The following STX7 variants were observed in gnomAD, a reference collection of about 807,000 sequenced individuals.
STX7 encodes the protein syntaxin 7.
Under a neutral mutation model 39.6 loss-of-function variants are expected in STX7, and 34 were observed. The observed-to-expected ratio is 0.86, with a 90% CI of 0.65 to 1.14. The LOEUF is 1.14. Among genes scored for constraint, STX7 ranks in the 50% most tolerant of loss-of-function variants. The pLI is 0.00. For synonymous variants in STX7, 119 were observed against 99.1 expected, an observed-to-expected ratio of 1.20 and a Z score of -1.19; for missense variants, 284 against 310.4, an observed-to-expected ratio of 0.92 and a Z score of 0.64.
chr6:132,474,853 A>G (rs1242767008), intron 3 of STX7, among the ~76,000 whole-genome samples: 1 of 152,180 alleles, frequency 6.6e-6, no homozygotes, highest in Non-Finnish European at 1.5e-5. Flanking sequence ...ATAATTCATT[A>G]TAACTTTTTT....
At chr6:132,488,542 T>C (rs1775197877) in intron 2 of STX7, among the ~76,000 whole-genome samples, 1 of 152,184 alleles carries the variant, frequency 6.6e-6, no homozygotes, top group African/African-American at 2.4e-5. Flanking sequence ...CCATGTATTT[T>C]AAAACTGTCT....
intron 1 of STX7, 75 bp from the exon 2 acceptor site, chr6:132,503,663 A>C: frequency 1.6e-6 from 1 of 629,102 alleles, no homozygotes; most frequent in Non-Finnish European, 2.7e-6. Flanking sequence ...CAATCTGTGA[A>C]GTTACAAGGA....
intron 2 of STX7, among the ~76,000 whole-genome samples, chr6:132,500,565 T>C (rs1450030752): frequency 6.6e-6 from 1 of 152,196 alleles, no homozygotes; most frequent in Non-Finnish European, 1.5e-5. Context: ...ACTTTCACTA[T>C]ATTTTCTTTA....
intron 5 of STX7, 49 bp downstream of exon 5, chr6:132,471,414 C>T (rs1040599793): frequency 1.3e-6 from 2 of 1,575,010 alleles, no homozygotes; most frequent in African/African-American, 2.7e-5. Context: ...TTATGGGACC[C>T]TTAGCAAGTA....
In STX7 at chr6:132,453,427, C is replaced by T. The variant is rs1490946963; in HGVS notation, c.*7331G>A. ...TTCATCAAAATTAAACACTTCTGCT[C>T]TGTGAAAGGCCCAGAAAAGAGAAAT... On this transcript the variant is annotated 3_prime_UTR_variant, in exon 10 of 10. Transcript: ENST00000367941. 2.6e-5 allele frequency: 4 copies of T among 151,902 alleles called. No individual in the cohort carries two copies. The highest frequency in any genetic ancestry group is 5.9e-5 in the Non-Finnish European group (4 of 67,896). The allele number at this position is 151,902 out of a possible 1,614,324, so 9.4% of individuals were successfully genotyped here.
chr6:132,512,719 C>A (rs879755175), intron 1 of STX7, among the ~76,000 whole-genome samples: 5 of 152,202 alleles, frequency 3.3e-5, no homozygotes, highest in Non-Finnish European at 5.9e-5. Context: ...GAGCTCTGCC[C>A]AGGGGACCGC....
intron 2 of STX7, among the ~76,000 whole-genome samples, chr6:132,502,877 C>A (rs185089922): frequency 3.2e-4 from 49 of 151,358 alleles, no homozygotes; most frequent in African/African-American, 1.2e-3. Flanking sequence ...CCAGCCTGGG[C>A]GACAGAGTGA....
At chr6:132,483,589 A>G (rs975838381) in intron 2 of STX7, among the ~76,000 whole-genome samples, 3 of 152,180 alleles carry the variant, frequency 2.0e-5, no homozygotes, top group Admixed American at 6.5e-5. Context: ...TTTAGAAACA[A>G]AACACTTTTT....
intron 2 of STX7, among the ~76,000 whole-genome samples, chr6:132,490,298 C>T (rs1469527656): frequency 6.6e-6 from 1 of 152,184 alleles, no homozygotes; most frequent in Non-Finnish European, 1.5e-5. Flanking sequence ...ACGAGTTCCC[C>T]TCTAGTTTAC....
intron 3 of STX7, among the ~76,000 whole-genome samples, chr6:132,474,057 C>T (rs1774807573): frequency 6.6e-6 from 1 of 151,450 alleles, no homozygotes; most frequent in Admixed American, 6.6e-5. Context: ...GGCAAAACAC[C>T]ATCTCTACAA....
intron 3 of STX7, among the ~76,000 whole-genome samples, chr6:132,473,824 T>C (rs190563854): frequency 4.1e-4 from 63 of 152,276 alleles, no homozygotes; most frequent in African/African-American, 1.4e-3. Context: ...GGGATCTGTA[T>C]TTGACTGACA....
intron 1 of STX7, among the ~76,000 whole-genome samples, chr6:132,505,527 A>G (rs190562128): frequency 1.4e-3 from 212 of 152,242 alleles, no homozygotes; most frequent in African/African-American, 5.0e-3. Flanking sequence ...AATCCTAGAG[A>G]TGGATCCAAA....
At chr6:132,475,742 C>T (rs1774858157) in intron 2 of STX7, 80 bp from the exon 3 acceptor site, 1 of 839,712 alleles carries the variant, frequency 1.2e-6, no homozygotes, top group Non-Finnish European at 1.8e-6. Flanking sequence ...TATGTACAAG[C>T]AATTGGGCAG....
chr6:132,487,159 G>C (rs1345929775), intron 2 of STX7, among the ~76,000 whole-genome samples: 1 of 152,160 alleles, frequency 6.6e-6, no homozygotes, highest in Non-Finnish European at 1.5e-5. Flanking sequence ...TCAATTTCTT[G>C]ATATAGAGCT....
rs980493273 is a variant in STX7 at position 132,456,506 on chromosome 6, C to A, written c.*4252G>T. On this transcript the variant is annotated 3_prime_UTR_variant, in exon 10 of 10. Transcript: ENST00000367941. ...GCAAAAAGCCGGCCCCAAATAAGTG[C>A]CAAATTAAGTATTTATTAAGCAACT... 1 of 151,998 alleles carries A rather than the reference C, an allele frequency of 6.6e-6. No homozygotes were observed. Among genetic ancestry groups the A allele is most frequent in the Non-Finnish European group, 1.5e-5 (1 of 68,032 alleles). The allele number at this position is 151,998 out of a possible 1,614,324, so 9.4% of individuals were successfully genotyped here. A position where few individuals can be genotyped will look rare whatever the true frequency, so the allele number is the denominator to read the frequency against.
rs187940263 is a variant in STX7 at position 132,484,927 on chromosome 6, T to C, written c.86-9265A>G. ...AACAATATAGGTAGGCACCGTGTAC[T>C]GGATATAGTAAGCGCTCAACAGAGT... On this transcript the variant is annotated intron_variant, in intron 2 of 9. Transcript: ENST00000367941. Among the ~76,000 whole-genome samples, 45 of 152,352 alleles carry C rather than the reference T, an allele frequency of 3.0e-4. No individual in the cohort carries two copies. In the South Asian group the frequency reaches 5.6e-3, roughly 19 times the overall value.
intron 2 of STX7, among the ~76,000 whole-genome samples, chr6:132,478,173 C>T (rs1774920668): frequency 6.6e-6 from 1 of 151,464 alleles, no homozygotes; most frequent in Non-Finnish European, 1.5e-5. Flanking sequence ...TACATGTATC[C>T]CAGAACTTAA....
intron 2 of STX7, among the ~76,000 whole-genome samples, chr6:132,485,048 C>T (rs1044811549): frequency 6.6e-6 from 1 of 152,080 alleles, no homozygotes; most frequent in African/African-American, 2.4e-5. Context: ...ACTGACAAAG[C>T]GCATAAACTA....
intron 2 of STX7, among the ~76,000 whole-genome samples, chr6:132,500,526 T>G (rs984991405): frequency 6.6e-6 from 1 of 152,168 alleles, no homozygotes; most frequent in African/African-American, 2.4e-5. Flanking sequence ...AAAGTAAAGG[T>G]AGCTTCCCCA....
Sources: gnomAD v4.1 joint callset for allele counts (sites outside exome capture counted in the v4.1 genomes callset) on GRCh38, gnomAD v4.1.1 for gene constraint, MANE v1.5 for transcripts, NCBI Gene and HGNC (gene_info 2026-07-23, HGNC 2026-07-21) for gene names.